Variants in TWIST2 observed in about 807,000 individuals in gnomAD.
TWIST2 encodes the protein twist-related protein 2.
A neutral mutation model predicts 11.6 loss-of-function variants in TWIST2; 1 was observed. The observed-to-expected ratio is 0.09, with a 90% CI of 0.03 to 0.41. TWIST2 has a LOEUF of 0.41. TWIST2 is among the 10% of genes least tolerant of loss of function. The pLI is 0.98. For synonymous variants in TWIST2, 87 were observed against 96.6 expected, an observed-to-expected ratio of 0.90 and a Z score of 0.58; for missense variants, 168 against 226.4, an observed-to-expected ratio of 0.74 and a Z score of 1.66.
chr2:238,849,232 C>T (rs1015396121), intron 1 of TWIST2, among the ~76,000 whole-genome samples: 7 of 152,180 alleles, frequency 4.6e-5, no homozygotes, highest in African/African-American at 1.4e-4. Context: ...GTCCGTCGGG[C>T]GGACACTCAG....
chr2:238,873,823 T>G (rs1282536602), intron 1 of TWIST2, among the ~76,000 whole-genome samples: 2 of 152,136 alleles, frequency 1.3e-5, no homozygotes, highest in African/African-American at 4.8e-5. Context: ...AAAAAGCCTT[T>G]GTTTGTGTCT....
intron 1 of TWIST2, among the ~76,000 whole-genome samples, chr2:238,896,304 G>A (rs998352998): frequency 4.8e-4 from 73 of 152,200 alleles, no homozygotes; most frequent in Admixed American, 2.0e-3. Flanking sequence ...CAGAAAGCAC[G>A]GGAGACGTCC....
At chr2:238,904,242 G>A (rs1413493949) in intron 1 of TWIST2, among the ~76,000 whole-genome samples, 1 of 147,696 alleles carries the variant, frequency 6.8e-6, no homozygotes, top group Non-Finnish European at 1.5e-5. Context: ...TGTGGGGTGT[G>A]TGTGATGGGT....
At chr2:238,859,374 G>A (rs1238701414) in intron 1 of TWIST2, among the ~76,000 whole-genome samples, 3 of 152,034 alleles carry the variant, frequency 2.0e-5, no homozygotes, top group Non-Finnish European at 4.4e-5. Context: ...AAAGGAGACT[G>A]GAGGCTTCTC....
intron 1 of TWIST2, among the ~76,000 whole-genome samples, chr2:238,894,164 T>C (rs1303305305): frequency 4.6e-5 from 7 of 152,190 alleles, no homozygotes; most frequent in African/African-American, 1.7e-4. Flanking sequence ...GAGAATAAAG[T>C]TGGCCTCAGT....
At position 238,867,012 on chromosome 2, in the gene TWIST2, A is replaced by G. The variant is rs1248484380; in HGVS notation, c.*35+18279A>G. ...ACTACACTGTGTCTGATGCAAACGC[A>G]TGTTTTCTGTGCATCTGTGATTTAC... On this transcript the variant is annotated intron_variant, in intron 1 of 1. Coordinates refer to ENST00000612363, the MANE Select transcript of TWIST2 (RefSeq NM_001271893.4). The surrounding 1 kb of genome is among the most constrained non-coding windows in gnomAD (Gnocchi z 4.8). 4.6e-5 allele frequency among the ~76,000 whole-genome samples: 7 copies of G among 152,148 alleles called. No homozygotes were observed. The East Asian group carries it at 1.4e-3, about 29-fold the overall frequency.
intron 1 of TWIST2, among the ~76,000 whole-genome samples, chr2:238,865,507 G>C (rs1215871675): frequency 6.6e-6 from 1 of 152,208 alleles, no homozygotes; most frequent in African/African-American, 2.4e-5. Context: ...CCCTGCGGGA[G>C]ATCGGGTAGC....
At chr2:238,870,560 A>AAG in intron 1 of TWIST2, among the ~76,000 whole-genome samples, 1 of 59,836 alleles carries the variant, frequency 1.7e-5, no homozygotes, top group African/African-American at 7.8e-5. Flanking sequence ...CCCCACACAC[A>AAG]CCACACACCA....
chr2:238,873,477 G>A (rs914294250), intron 1 of TWIST2, among the ~76,000 whole-genome samples: 11 of 152,186 alleles, frequency 7.2e-5, no homozygotes, highest in South Asian at 2.1e-4. Flanking sequence ...AGAGCCTGGC[G>A]TATGCTCTGG....
At chr2:238,902,171 GGTGT>G (rs1414697379) in intron 1 of TWIST2, among the ~76,000 whole-genome samples, 3 of 151,616 alleles carry the variant, frequency 2.0e-5, no homozygotes, top group East Asian at 3.9e-4. Flanking sequence ...GGTGTGTAAT[GGTGT>G]GTGTGTGTGT....
At chr2:238,878,540 T>C (rs540093472) in intron 1 of TWIST2, among the ~76,000 whole-genome samples, 22 of 152,300 alleles carry the variant, frequency 1.4e-4, no homozygotes, top group African/African-American at 5.1e-4. Context: ...GAGGCCAGCC[T>C]GTGGGGACAA....
At chr2:238,889,803 G>A (rs138144565) in intron 1 of TWIST2, among the ~76,000 whole-genome samples, 183 of 152,304 alleles carry the variant, frequency 1.2e-3, no homozygotes, top group African/African-American at 4.4e-3. Context: ...TTAATATTAA[G>A]TGAGCACCTG....
At chr2:238,897,061 C>T (rs1005424270) in intron 1 of TWIST2, among the ~76,000 whole-genome samples, 3 of 152,138 alleles carry the variant, frequency 2.0e-5, no homozygotes, top group Non-Finnish European at 4.4e-5. Context: ...TCCTGATTCC[C>T]ATTTGCTTTC....
Position 238,903,029 on chromosome 2 carries a change from G to A in TWIST2, c.*36-6813G>A, listed in dbSNP as rs1259109318. Among the ~76,000 whole-genome samples, 10 of 103,142 alleles carry A rather than the reference G, an allele frequency of 9.7e-5. 3 individuals are homozygous for A. The highest frequency in any genetic ancestry group is 3.0e-4 in the Admixed American group (3 of 10,124). 67.7% of individuals were successfully genotyped at this position (103,142 alleles called of 152,430 possible). On this transcript the variant is annotated intron_variant, in intron 1 of 1. Transcript: ENST00000612363. ...TGTGAGGTGTGTGTGATGTGGGTGT[G>A]TGTGATGTGTGAGGTGTGTGTGATG...
chr2:238,891,431 C>G (rs1693131028), intron 1 of TWIST2, among the ~76,000 whole-genome samples: 1 of 152,220 alleles, frequency 6.6e-6, no homozygotes, highest in South Asian at 2.1e-4. Context: ...CCGGCATGGC[C>G]TATTCCTTGT....
intron 1 of TWIST2, among the ~76,000 whole-genome samples, chr2:238,852,222 C>CT (rs1222798861): frequency 6.6e-6 from 1 of 152,052 alleles, no homozygotes; most frequent in African/African-American, 2.4e-5. Context: ...TAAATCTGGG[C>CT]TTTAAAAAAA....
intron 1 of TWIST2, among the ~76,000 whole-genome samples, chr2:238,895,480 G>T (rs1040248082): frequency 3.0e-4 from 46 of 152,354 alleles, no homozygotes; most frequent in African/African-American, 1.1e-3. Flanking sequence ...ACTGAATTTG[G>T]TGGCATCTGG....
intron 1 of TWIST2, among the ~76,000 whole-genome samples, chr2:238,878,306 T>C (rs1034948126): frequency 6.6e-6 from 1 of 152,204 alleles, no homozygotes; most frequent in Non-Finnish European, 1.5e-5. Flanking sequence ...TGGGTCTGGC[T>C]TGCAGGCAGC....
chr2:238,882,784 G>A (rs1259816667), intron 1 of TWIST2, among the ~76,000 whole-genome samples: 3 of 152,214 alleles, frequency 2.0e-5, no homozygotes, highest in Non-Finnish European at 4.4e-5. Context: ...GTCCTGGGAA[G>A]TGATATCTTG....
Sources: allele counts gnomAD v4.1 joint callset (sites outside exome capture counted in the v4.1 genomes callset), GRCh38; gene constraint gnomAD v4.1.1; non-coding constraint Gnocchi (gnomAD v3.1); transcripts MANE v1.5; gene names NCBI Gene and HGNC (gene_info 2026-07-23, HGNC 2026-07-21).